Variants in FYB1 observed in about 807,000 individuals in gnomAD.
The protein encoded by FYB1 is FYN binding protein 1, also known as FYN-binding protein 1.
FYB1 carries 41 observed loss-of-function variants against 94.1 expected under a neutral mutation model. The observed-to-expected ratio is 0.44, with a 90% CI of 0.34 to 0.57. The LOEUF is 0.57. Ranked by LOEUF, FYB1 falls within the 20% of genes least tolerant of loss-of-function variation. The pLI, the probability that FYB1 is intolerant of heterozygous loss-of-function variation, is 0.02. For missense variants in FYB1, 1,050 were observed against 976.8 expected (o/e 1.07, Z -1.00); for synonymous variants, 367 against 353.2 (o/e 1.04, Z -0.44).
At chr5:39,238,624 G>C (rs1751072195) in intron 1 of FYB1, among the ~76,000 whole-genome samples, 2 of 151,890 alleles carry the variant, frequency 1.3e-5, no homozygotes, top group South Asian at 4.2e-4. Flanking sequence ...CAAGAAGAGA[G>C]AAAAAAGAGC....
chr5:39,254,664 G>A (rs1319189505), intron 1 of FYB1, among the ~76,000 whole-genome samples: 1 of 152,122 alleles, frequency 6.6e-6, no homozygotes, highest in Non-Finnish European at 1.5e-5. Context: ...TGCAAGCCTT[G>A]TGGAAAACAT....
chr5:39,218,947 T>C (rs1346953250), intron 1 of FYB1, among the ~76,000 whole-genome samples: 1 of 152,182 alleles, frequency 6.6e-6, no homozygotes, highest in Non-Finnish European at 1.5e-5. Context: ...GGCAGTATAG[T>C]CCCTTTCTTT....
chr5:39,221,517 A>G (rs1645815611), upstream of FYB1, among the ~76,000 whole-genome samples: 1 of 152,244 alleles, frequency 6.6e-6, no homozygotes, highest in Non-Finnish European at 1.5e-5. Context: ...AGCTCAAAGT[A>G]TGAATAAAGG....
intron 3 of FYB1, among the ~76,000 whole-genome samples, chr5:39,144,713 A>C (rs1742491374): frequency 6.6e-6 from 1 of 152,150 alleles, no homozygotes; most frequent in Non-Finnish European, 1.5e-5. Flanking sequence ...GAGGCACGAG[A>C]ATCTATTGAA....
In FYB1 at chr5:39,225,345, T is replaced by C. The variant is rs138406834; in HGVS notation, c.-27-22358A>G. On this transcript the variant is annotated intron_variant, in intron 1 of 1. Transcript: ENST00000510188. ...TTTATGTTAGCAAACCAAAGCCCAA[T>C]ATAAACAATAAGATAAACTTTACCA... 2.3e-3 allele frequency among the ~76,000 whole-genome samples: 352 copies of C among 152,276 alleles called. 2 individuals carry two copies. The highest frequency in any genetic ancestry group is 3.1e-3 in the Non-Finnish European group (209 of 68,018).
At chr5:39,118,256 T>C (rs2150276190) in intron 16 of FYB1, among the ~76,000 whole-genome samples, 1 of 152,276 alleles carries the variant, frequency 6.6e-6, no homozygotes, top group African/African-American at 2.4e-5. Context: ...GGAACTTTTT[T>C]GGATTTATTT....
intron 1 of FYB1, among the ~76,000 whole-genome samples, chr5:39,205,965 A>G (rs1372750444): frequency 2.0e-5 from 3 of 152,216 alleles, no homozygotes; most frequent in Non-Finnish European, 4.4e-5. Context: ...ATATGTAATA[A>G]TTATCTGCCA....
At position 39,189,989 on chromosome 5, in the gene FYB1, T is replaced by C. The variant is rs76184400; in HGVS notation, c.1135+11837A>G. Among the ~76,000 whole-genome samples the C allele has an allele frequency of 9.4e-3, 1,426 of 152,370 alleles. 33 individuals are homozygous for C. In the East Asian group the frequency reaches 0.11, roughly 11 times the overall value. On this transcript the variant is annotated intron_variant, in intron 2 of 18. Coordinates refer to ENST00000512982, the MANE Select transcript of FYB1 (RefSeq NM_001465.6). ...AGAAATTGAGCCAGTTGCTCCTTCA[T>C]AGATCTGCAGAGAGCATCAGATTTT...
At chr5:39,114,474 A>G (rs185204189) in intron 16 of FYB1, among the ~76,000 whole-genome samples, 1 of 152,280 alleles carries the variant, frequency 6.6e-6, no homozygotes, top group African/African-American at 2.4e-5. Flanking sequence ...ATCATTACGA[A>G]TTTAGGTTGA....
chr5:39,172,817 T>C (rs1745375061), intron 2 of FYB1, among the ~76,000 whole-genome samples: 1 of 152,250 alleles, frequency 6.6e-6, no homozygotes, highest in Admixed American at 6.5e-5. Context: ...CCATGGTGTA[T>C]ATATACCATA....
At chr5:39,110,581 C>T in intron 16 of FYB1, 192 bp from the exon 17 acceptor site, 1 of 468,982 alleles carries the variant, frequency 2.1e-6, no homozygotes, top group Admixed American at 4.0e-5. Flanking sequence ...TTCTCCCTAA[C>T]TTTTCTCTTT....
At chr5:39,259,151 T>C (rs988659012) in intron 1 of FYB1, among the ~76,000 whole-genome samples, 3 of 152,214 alleles carry the variant, frequency 2.0e-5, no homozygotes, top group African/African-American at 7.2e-5. Context: ...GAGGTGCTAC[T>C]GCTGTCTAGT....
intron 8 of FYB1, 36 bp from the exon 9 acceptor site, chr5:39,134,385 G>T: frequency 6.6e-7 from 1 of 1,507,210 alleles, no homozygotes; most frequent in Non-Finnish European, 9.1e-7. Context: ...TCAGGCAACT[G>T]TAGTTTAAAT....
chr5:39,269,175 G>A (rs546196408), intron 1 of FYB1, among the ~76,000 whole-genome samples: 2 of 151,840 alleles, frequency 1.3e-5, no homozygotes, highest in East Asian at 1.9e-4. Context: ...TCGGCCTCCC[G>A]AGTGGCTGGG....
intron 1 of FYB1, among the ~76,000 whole-genome samples, chr5:39,271,004 A>T (rs1752649207): frequency 6.6e-6 from 1 of 151,792 alleles, no homozygotes; most frequent in Non-Finnish European, 1.5e-5. Context: ...ATAGCATTTG[A>T]CTTGAGTGGA....
At chr5:39,203,034 T>G (rs1252570688) in intron 1 of FYB1, 47 bp from the exon 2 acceptor site, 1 of 1,545,144 alleles carries the variant, frequency 6.5e-7, no homozygotes, top group East Asian at 2.2e-5. Context: ...AAAGTCTTAC[T>G]TGCACAGTTT....
intron 3 of FYB1, among the ~76,000 whole-genome samples, chr5:39,148,380 G>GTTT (rs1561176115): frequency 6.0e-5 from 4 of 66,464 alleles, no homozygotes; most frequent in South Asian, 5.7e-4. Flanking sequence ...ATTATCAGCA[G>GTTT]GTTTTTTTTT....
chr5:39,179,771 G>A (rs960256552), intron 2 of FYB1, among the ~76,000 whole-genome samples: 1 of 151,904 alleles, frequency 6.6e-6, no homozygotes, highest in African/African-American at 2.4e-5. Flanking sequence ...GAGTGACCAC[G>A]CCCAGCCCTG....
chr5:39,174,951 G>A (rs968795536), intron 2 of FYB1, among the ~76,000 whole-genome samples: 5 of 152,298 alleles, frequency 3.3e-5, no homozygotes, highest in Admixed American at 3.3e-4. Context: ...AGAAACCAGT[G>A]TCTCAGCTTT....
Sources: allele counts gnomAD v4.1 joint callset (sites outside exome capture counted in the v4.1 genomes callset), GRCh38; gene constraint gnomAD v4.1.1; transcripts MANE v1.5; gene names NCBI Gene and HGNC (gene_info 2026-07-23, HGNC 2026-07-21).